The following KMT2D variants were observed in gnomAD, a reference collection of about 807,000 sequenced individuals.
KMT2D encodes lysine methyltransferase 2D.
In KMT2D, 55 loss-of-function variants were observed where a neutral mutation model predicts 512.7. That is an observed-to-expected ratio of 0.11 (90% CI 0.09 to 0.13). The LOEUF (loss-of-function observed/expected upper bound fraction) is 0.13, where lower values mean the gene tolerates loss of function less well. Among genes scored for constraint, KMT2D ranks in the 10% least tolerant of loss-of-function variants. The pLI, the probability that KMT2D is intolerant of heterozygous loss-of-function variation, is 1.00. For missense variants in KMT2D, 6,061 were observed against 7,127.9 expected (o/e 0.85, Z 5.39); for synonymous variants, 2,995 against 2,904.0 (o/e 1.03, Z -1.01).
At position 49,052,647 on chromosome 12, in the gene KMT2D, C is replaced by T. The variant is rs2120689569; in HGVS notation, c.1175G>A (p.Cys392Tyr). The T allele has an allele frequency of 6.2e-7, 1 of 1,613,678 alleles. No homozygotes were observed. The highest frequency in any genetic ancestry group is 1.1e-5 in the South Asian group (1 of 91,054). ...TDEPDALYVA[C>Y]QGQPKGGHVT... is the part of the protein sequence containing the mutation. ...GTGCCCACCCTTTGGCTGCCCTTGG[C>T]ATGCAACGTACAGAGCATCGGGCTC... Residue 392 changes from cysteine (C) to tyrosine (Y), a missense_variant, in exon 10 of 55, where the codon TGC (cysteine) becomes TAC (tyrosine). Transcript: ENST00000301067.
chr12:49,019,193 G>A lies in KMT2D; in HGVS notation c.*2587C>T. 1 of 1,080,138 alleles carries A rather than the reference G, an allele frequency of 9.3e-7. No homozygotes were observed. Among genetic ancestry groups the A allele is most frequent in the Non-Finnish European group, 1.1e-6 (1 of 875,132 alleles). The allele number at this position is 1,080,138 out of a possible 1,614,324, so 66.9% of individuals were successfully genotyped here. ...TCCGTTGTTACGAAGGACCAACCTT[G>A]CTGTACAGGATACACACAACACAAA... On this transcript the variant is annotated 3_prime_UTR_variant, in exon 55 of 55. Transcript: ENST00000301067.
Position 49,055,263 on chromosome 12 carries a change from T to C in KMT2D, c.49+13A>G, listed in dbSNP as rs1158592681. The C allele has an allele frequency of 1.2e-6, 2 of 1,613,892 alleles. No individual in the cohort carries two copies. Among genetic ancestry groups the C allele is most frequent in the Non-Finnish European group, 1.7e-6 (2 of 1,179,756 alleles). ...TGAAATCTAAAAGCAAACAAACAAT[T>C]TGTCCTACTCACCTGCCGGTTCTGA... On this transcript the variant is annotated intron_variant, in intron 2 of 54. Transcript: ENST00000301067.
Position 49,041,411 on chromosome 12 carries a change from G to A in KMT2D, c.6359C>T (p.Ala2120Val), listed in dbSNP as rs1012442322. ...PGALGSPPPAAAPTIFIGSPT... is the reference protein window; with the variant it reads ...PGALGSPPPAVAPTIFIGSPT... The stretch of plus-strand genomic sequence containing the variant: ...GCTGCCAATGAAAATGGTGGGGGCA[G>A]CAGCGGGGGGCGGGCTGCCCAGTGC... The change falls in exon 32 of 55, where the codon GCT (alanine) becomes GTT (valine). Residue 2120 changes from alanine (A) to valine (V), a missense_variant. By Grantham distance (64) the Ala-to-Val change is moderately conservative. Coordinates refer to ENST00000301067, the MANE Select transcript of KMT2D (RefSeq NM_003482.4). The surrounding 1 kb of genome is among the most constrained non-coding windows in gnomAD (Gnocchi z 5.4). The A allele has an allele frequency of 5.6e-6, 9 of 1,608,382 alleles. No individual in the cohort carries two copies. The highest frequency in any genetic ancestry group is 4.0e-5 in the African/African-American group (3 of 74,810).
Position 49,041,277 on chromosome 12 carries a change from G to A in KMT2D, c.6493C>T (p.Pro2165Ser), listed in dbSNP as rs1340260705. Reference protein sequence around the residue: ...SPGELFLKLPPQVPAQVPSQD... With the variant: ...SPGELFLKLPSQVPAQVPSQD... The stretch of plus-strand genomic sequence containing the variant: ...GAAGGCACTTGGGCGGGCACCTGGG[G>A]TGGGAGCTTGAGGAAGAGCTCACCA... The change falls in exon 32 of 55, where the codon CCC becomes TCC. Residue 2165 changes from proline (P) to serine (S), a missense_variant. Pro to Ser is a moderately conservative substitution (Grantham distance 74, BLOSUM62 -1). Transcript: ENST00000301067. The surrounding 1 kb of genome is among the most constrained non-coding windows in gnomAD (Gnocchi z 5.4). 3 of 1,521,014 alleles carry A rather than the reference G, an allele frequency of 2.0e-6. No homozygotes were observed. Among genetic ancestry groups the A allele is most frequent in the Non-Finnish European group, 2.6e-6 (3 of 1,137,946 alleles). 94.2% of individuals were successfully genotyped at this position (1,521,014 alleles called of 1,614,324 possible).
chr12:49,038,830 T>A lies in KMT2D; in HGVS notation c.8526A>T (p.Gly2842=). The A allele has an allele frequency of 6.4e-7, 1 of 1,559,446 alleles. No homozygotes were observed. Among genetic ancestry groups the A allele is most frequent in the African/African-American group, 1.4e-5 (1 of 73,486 alleles). ...CTAGGGCTTGGCGGCCAAGTTCAGG[T>A]CCAGGAGTTGATGGAAAGCGAGCTG... is the stretch of plus-strand genomic sequence containing the variant. ...AMSARFPSTP[G]PELGRQALGS... Residue 2842 remains glycine (G), a synonymous_variant, in exon 35 of 55, where the codon GGA becomes GGT. Transcript: ENST00000301067. The surrounding 1 kb of genome is among the most constrained non-coding windows in gnomAD (Gnocchi z 5.7).
Position 49,046,554 on chromosome 12 carries a change from T to A in KMT2D, c.4418+55A>T. On this transcript the variant is annotated intron_variant, in intron 16 of 54. Coordinates refer to ENST00000301067, the MANE Select transcript of KMT2D (RefSeq NM_003482.4). This position sits in a 1 kb window ranked among gnomAD's most constrained non-coding sequence, Gnocchi z 4.2. ...CCTCTGTCACATACTCAACATCATA[T>A]CCACTTTAACATCTCAAGGCCCCAG... 6.3e-7 allele frequency: 1 copy of A among 1,579,552 alleles called. No homozygotes were observed. Among genetic ancestry groups the A allele is most frequent in the Non-Finnish European group, 8.6e-7 (1 of 1,158,390 alleles).
intron 51 of KMT2D, among the ~76,000 whole-genome samples, chr12:49,023,238 T>C (rs757561786): frequency 3.3e-5 from 5 of 152,136 alleles, no homozygotes; most frequent in Non-Finnish European, 7.4e-5. Context: ...TCTGGGAAGT[T>C]TTCCGCAAGC....
At chr12:49,043,807 G>C (rs769750076) in intron 23 of KMT2D, 25 bp from the exon 24 acceptor site, 1 of 1,612,948 alleles carries the variant, frequency 6.2e-7, no homozygotes, top group Non-Finnish European at 8.5e-7. Context: ...AGGAGAAACA[G>C]TTTTCTTCAT....
At position 49,039,326 on chromosome 12, in the gene KMT2D, G is replaced by A; in HGVS notation, c.8262C>T (p.Ser2754=). The change falls in exon 34 of 55, where the codon AGC becomes AGT. Residue 2754 remains serine, a synonymous_variant. Transcript: ENST00000301067. The surrounding 1 kb of genome is among the most constrained non-coding windows in gnomAD (Gnocchi z 5.0). ...DKSSLVGLPP[S]KLSGPILGPG... is the part of the protein sequence containing the mutation. ...GCCCCAGGATGGGGCCACTCAGCTT[G>A]CTTGGGGGCAACCCCACAAGGCTGC... The A allele has an allele frequency of 6.2e-7, 1 of 1,613,560 alleles. No homozygotes were observed. The highest frequency in any genetic ancestry group is 8.5e-7 in the Non-Finnish European group (1 of 1,179,726).
chr12:49,024,263 C>T lies in KMT2D; in HGVS notation c.16052+315G>A, dbSNP rs992914753. ...TTTGGGAGAATCACAGGCCCTCCCCCAGAAGTAAAACAGGAGAAGAAAGAG... is the reference window on the plus strand; with the variant it reads ...TTTGGGAGAATCACAGGCCCTCCCCTAGAAGTAAAACAGGAGAAGAAAGAG... On this transcript the variant is annotated intron_variant, in intron 51 of 54. Transcript: ENST00000301067. The surrounding 1 kb of genome is among the most constrained non-coding windows in gnomAD (Gnocchi z 4.5). 6.6e-6 allele frequency among the ~76,000 whole-genome samples: 1 copy of T among 152,096 alleles called. No individual in the cohort carries two copies. The highest frequency in any genetic ancestry group is 6.5e-5 in the Admixed American group (1 of 15,276).
At position 49,040,649 on chromosome 12, in the gene KMT2D, T is replaced by C. The variant is rs1362348621; in HGVS notation, c.7121A>G (p.Tyr2374Cys). The stretch of plus-strand genomic sequence containing the variant: ...TGGGGGCTGAGCATATGGGTCAGTG[T>C]AGGAGCCAGGGCGAAAGATGTCTGG... Reference protein sequence around the residue: ...SHPDIFRPGSYTDPYAQPPLT... With the variant: ...SHPDIFRPGSCTDPYAQPPLT... Residue 2374 changes from tyrosine (Y) to cysteine (C), a missense_variant, in exon 32 of 55, where the codon TAC becomes TGC. Transcript: ENST00000301067. 6.8e-6 allele frequency: 11 copies of C among 1,613,310 alleles called. No individual in the cohort carries two copies. The highest frequency in any genetic ancestry group is 8.5e-6 in the Non-Finnish European group (10 of 1,179,736).
Position 49,040,921 on chromosome 12 carries a change from C to T in KMT2D, c.6849G>A (p.Lys2283=). Residue 2283 remains lysine, a synonymous_variant, in exon 32 of 55, where the codon AAG becomes AAA. Coordinates refer to ENST00000301067, the MANE Select transcript of KMT2D (RefSeq NM_003482.4). Reference sequence around the variant, plus strand: ...GCTCTTCCTTCTTCACCTCTAGGGCCTTCCGGGACTCCCCAAAAGGTGGGG... The same window carrying T: ...GCTCTTCCTTCTTCACCTCTAGGGCTTTCCGGGACTCCCCAAAAGGTGGGG... ...LSPPPFGESR[K]ALEVKKEELG... is the part of the protein sequence containing the mutation. 1 of 1,613,780 alleles carries T rather than the reference C, an allele frequency of 6.2e-7. No homozygotes were observed.
chr12:49,039,743 T>A lies in KMT2D; in HGVS notation c.8027A>T (p.Glu2676Val), dbSNP rs2120515586. ...ACTTACCTGCCGTTGCTTCTCCAGC[T>A]CTGTTTGGCTAAGGCCGGACATGCC... Reference protein sequence around the residue: ...DPGMSGLSQTELEKQRQRQRL... With the variant: ...DPGMSGLSQTVLEKQRQRQRL... The change falls in exon 32 of 55, where the codon GAG becomes GTG. Residue 2676 changes from glutamate (E) to valine (V), a missense_variant. Physicochemically the swap from Glu to Val is moderately radical, Grantham distance 121. Around this residue, in one of 16 missense-constraint regions of KMT2D, gnomAD observed 527 missense variants for 578.9 expected, o/e 0.91. Transcript: ENST00000301067. This position sits in a 1 kb window ranked among gnomAD's most constrained non-coding sequence, Gnocchi z 5.0. The A allele has an allele frequency of 1.2e-6, 2 of 1,613,346 alleles. No individual in the cohort carries two copies. Among genetic ancestry groups the A allele is most frequent in the Non-Finnish European group, 1.7e-6 (2 of 1,179,754 alleles).
chr12:49,054,705 T>C lies in KMT2D; in HGVS notation c.223A>G (p.Ser75Gly). The stretch of plus-strand genomic sequence containing the variant: ...CGTAGCTCCCGCTGCCCGTGTAGAC[T>C]GGGCTCCCCGCAGTTACAGAGAGCA... ...RCALCNCGEPSLHGQRELRRF... is the reference protein window; with the variant it reads ...RCALCNCGEPGLHGQRELRRF... Residue 75 changes from serine (S) to glycine (G), a missense_variant, in exon 4 of 55, where the codon AGT becomes GGT. Around this residue, in one of 16 missense-constraint regions of KMT2D, gnomAD observed 144 missense variants for 165.7 expected, o/e 0.87. Transcript: ENST00000301067. The surrounding 1 kb of genome is among the most constrained non-coding windows in gnomAD (Gnocchi z 6.4). 6.2e-7 allele frequency: 1 copy of C among 1,613,542 alleles called. No individual in the cohort carries two copies. Among genetic ancestry groups the C allele is most frequent in the Non-Finnish European group, 8.5e-7 (1 of 1,179,670 alleles).
Position 49,026,591 on chromosome 12 carries a change from G to A in KMT2D, c.15375C>T (p.Phe5125=), listed in dbSNP as rs1222234863. 1 of 1,613,944 alleles carries A rather than the reference G, an allele frequency of 6.2e-7. No individual in the cohort carries two copies. Among genetic ancestry groups the A allele is most frequent in the Non-Finnish European group, 8.5e-7 (1 of 1,179,916 alleles). Residue 5125 remains phenylalanine, a synonymous_variant, in exon 49 of 55, where the codon TTC becomes TTT. Coordinates refer to ENST00000301067, the MANE Select transcript of KMT2D (RefSeq NM_003482.4). The surrounding 1 kb of genome is among the most constrained non-coding windows in gnomAD (Gnocchi z 9.6). The part of the protein sequence containing the change: ...FACAIRAKCM[F]FKDKTMLCPM... The stretch of plus-strand genomic sequence containing the variant: ...GACACAGCATGGTCTTGTCCTTGAA[G>A]AACATGCACTTGGCACGGATGGCAC...
Position 49,037,542 on chromosome 12 carries a change from G to A in KMT2D, c.9814C>T (p.Pro3272Ser), listed in dbSNP as rs2120481318. 1 of 1,554,366 alleles carries A rather than the reference G, an allele frequency of 6.4e-7. No individual in the cohort carries two copies. The highest frequency in any genetic ancestry group is 1.4e-5 in the African/African-American group (1 of 73,284). ...KKQQLSAQLQ[P>S]AQQQQQQQQQ... ...TGCTGTTGCTGCTGCTGCTGGGCAG[G>A]CTGCAACTGTGCTGAAAGCTGCTGC... The change falls in exon 35 of 55, where the codon CCT (proline) becomes TCT (serine). Residue 3272 changes from proline (P) to serine (S), a missense_variant. Coordinates refer to ENST00000301067, the MANE Select transcript of KMT2D (RefSeq NM_003482.4).
At position 49,024,791 on chromosome 12, in the gene KMT2D, C is replaced by T. The variant is rs2137711216; in HGVS notation, c.15921+19G>A. ...TCTCAGTGCCCGCCAAGCCCCCCAGCTCCCAGCCCCTTCCTTACTGATTCA... is the reference window on the plus strand; with the variant it reads ...TCTCAGTGCCCGCCAAGCCCCCCAGTTCCCAGCCCCTTCCTTACTGATTCA... On this transcript the variant is annotated intron_variant, in intron 50 of 54. Coordinates refer to ENST00000301067, the MANE Select transcript of KMT2D (RefSeq NM_003482.4). The surrounding 1 kb of genome is among the most constrained non-coding windows in gnomAD (Gnocchi z 4.5). 6.2e-7 allele frequency: 1 copy of T among 1,610,420 alleles called. No individual in the cohort carries two copies. The highest frequency in any genetic ancestry group is 1.1e-5 in the South Asian group (1 of 90,782).
rs1462113298 is a variant in KMT2D, at chr12:49,041,565, C to G, written c.6235-30G>C. The G allele has an allele frequency of 2.5e-6, 4 of 1,612,450 alleles. No homozygotes were observed. Among genetic ancestry groups the G allele is most frequent in the Non-Finnish European group, 2.5e-6 (3 of 1,179,100 alleles). ...AGGGGGAGACCAGGCATAGGGCAGT[C>G]AGGCTGCTGCAGGCAGGCCCCATGG... On this transcript the variant is annotated intron_variant, in intron 31 of 54. Transcript: ENST00000301067. This position sits in a 1 kb window ranked among gnomAD's most constrained non-coding sequence, Gnocchi z 5.4.
Position 49,050,762 on chromosome 12 carries a change from G to A in KMT2D, c.2826C>T (p.Ile942=), listed in dbSNP as rs2241726. 0.39 allele frequency: 621,412 copies of A among 1,609,518 alleles called. 121,798 individuals carry two copies. Among genetic ancestry groups the A allele is most frequent in the South Asian group, 0.44 (40,418 of 90,936 alleles). The change falls in exon 12 of 55, where the codon ATC becomes ATT. Residue 942 remains isoleucine (I), a synonymous_variant. Transcript: ENST00000301067. Reference sequence around the variant, plus strand: ...GGGCCGGTGGGGCCGCAGCTGTGATGATGGGTGAGAGTGGAGGAGGAAGGG... The same window carrying A: ...GGGCCGGTGGGGCCGCAGCTGTGATAATGGGTGAGAGTGGAGGAGGAAGGG... ...PDPLPPPLSP[I]ITAAAPPALS... is the part of the protein sequence containing the mutation.
Sources: allele counts gnomAD v4.1 joint callset (sites outside exome capture counted in the v4.1 genomes callset), GRCh38; gene constraint gnomAD v4.1.1; regional missense constraint gnomAD v4.1.1; non-coding constraint Gnocchi (gnomAD v3.1); transcripts MANE v1.5; gene names NCBI Gene and HGNC (gene_info 2026-07-23, HGNC 2026-07-21).